The following PCCA variants were observed in gnomAD, a reference collection of about 807,000 sequenced individuals.
PCCA encodes propionyl-CoA carboxylase subunit alpha.
A neutral mutation model predicts 101.3 loss-of-function variants in PCCA; 74 were observed. The ratio of observed to expected loss-of-function variants is 0.73; its 90% CI spans 0.61 to 0.89. The LOEUF (loss-of-function observed/expected upper bound fraction) is 0.89, where lower values mean the gene tolerates loss of function less well. PCCA is among the 40% of genes least tolerant of loss of function. The pLI, the probability that PCCA is intolerant of heterozygous loss-of-function variation, is 0.00. For synonymous variants in PCCA, 294 were observed against 313.6 expected (o/e 0.94, Z 0.66); for missense variants, 891 against 907.0 (o/e 0.98, Z 0.23).
rs369082294 is a variant in PCCA at position 100,345,266 on chromosome 13, G to A, written c.1643+5007G>A. 9.8e-4 allele frequency among the ~76,000 whole-genome samples: 150 copies of A among 152,320 alleles called. 4 individuals carry two copies. In the South Asian group the frequency reaches 0.028, roughly 29 times the overall value. On this transcript the variant is annotated intron_variant, in intron 18 of 23. Transcript: ENST00000376285. Reference sequence around the variant, plus strand: ...TGTGCCAAATGGTTAGCCAAGTTGTGAATGCAAAGGAAAAGTTCTTGAAGG... The same window carrying A: ...TGTGCCAAATGGTTAGCCAAGTTGTAAATGCAAAGGAAAAGTTCTTGAAGG...
At chr13:100,125,371 T>G (rs1417098561) in intron 4 of PCCA, among the ~76,000 whole-genome samples, 2 of 152,224 alleles carry the variant, frequency 1.3e-5, no homozygotes, top group African/African-American at 4.8e-5. Context: ...TTCTTCAATA[T>G]TAACTTTCCT....
At chr13:100,146,017 G>A (rs1257712587) in intron 4 of PCCA, among the ~76,000 whole-genome samples, 2 of 149,374 alleles carry the variant, frequency 1.3e-5, no homozygotes, top group African/African-American at 4.9e-5. Flanking sequence ...GCAGCTCGCT[G>A]CAATCTCTGC....
intron 21 of PCCA, 65 bp from the exon 22 acceptor site, chr13:100,515,362 A>G: frequency 6.9e-7 from 1 of 1,445,806 alleles, no homozygotes; most frequent in Non-Finnish European, 9.7e-7. Flanking sequence ...ATTTAGAATG[A>G]ATGCTACTTT....
chr13:100,174,511 TG>T (rs997026604), intron 6 of PCCA, among the ~76,000 whole-genome samples: 7 of 149,670 alleles, frequency 4.7e-5, no homozygotes, highest in Non-Finnish European at 1.0e-4. Flanking sequence ...GCAGATCACT[TG>T]AGGTCAGGAG....
chr13:100,241,352 G>T (rs2061122162), intron 8 of PCCA, among the ~76,000 whole-genome samples: 1 of 152,136 alleles, frequency 6.6e-6, no homozygotes, highest in African/African-American at 2.4e-5. Context: ...CACAACATAT[G>T]AACTTTTGTG....
chr13:100,106,944 G>T (rs1381273753), intron 2 of PCCA, among the ~76,000 whole-genome samples: 1 of 152,156 alleles, frequency 6.6e-6, no homozygotes, highest in Non-Finnish European at 1.5e-5. Context: ...TACATGTTCA[G>T]ACTAAGTTGG....
chr13:100,418,796 C>T (rs920336658), intron 19 of PCCA, among the ~76,000 whole-genome samples: 4 of 149,660 alleles, frequency 2.7e-5, no homozygotes, highest in East Asian at 2.0e-4. Flanking sequence ...ATCATGCCAT[C>T]GTACTTCAGC....
At chr13:100,210,184 C>T (rs1805349737) in intron 7 of PCCA, among the ~76,000 whole-genome samples, 1 of 151,824 alleles carries the variant, frequency 6.6e-6, no homozygotes, top group African/African-American at 2.4e-5. Context: ...CACCGTGTTG[C>T]CCAGGCTGGT....
chr13:100,472,725 G>A (rs558098517), intron 21 of PCCA, among the ~76,000 whole-genome samples: 94 of 152,106 alleles, frequency 6.2e-4, no homozygotes, highest in Admixed American at 1.1e-3. Context: ...TTAAGGCAGG[G>A]AAAATACTGG....
chr13:100,520,759 A>T (rs2087222682), intron 22 of PCCA, among the ~76,000 whole-genome samples: 1 of 151,994 alleles, frequency 6.6e-6, no homozygotes, highest in Non-Finnish European at 1.5e-5. Flanking sequence ...GGGAATTTTT[A>T]CAGTTGAATA....
At chr13:100,528,921 C>T (rs903551640) in intron 23 of PCCA, among the ~76,000 whole-genome samples, 5 of 152,148 alleles carry the variant, frequency 3.3e-5, no homozygotes, top group Admixed American at 6.5e-5. Context: ...GTGTGTCCGC[C>T]GCATGCCAAG....
At chr13:100,270,998 A>T (rs1474456680) in intron 11 of PCCA, among the ~76,000 whole-genome samples, 1 of 151,970 alleles carries the variant, frequency 6.6e-6, no homozygotes, top group Admixed American at 6.6e-5. Context: ...ACAGAGCAAG[A>T]CCCTGTTCTC....
chr13:100,246,184 G>A (rs2061416720), intron 8 of PCCA, among the ~76,000 whole-genome samples: 1 of 152,186 alleles, frequency 6.6e-6, no homozygotes, highest in South Asian at 2.1e-4. Context: ...GCAATGTCCT[G>A]AACTAGGGAT....
chr13:100,205,448 T>C lies in PCCA; in HGVS notation c.469-3884T>C, dbSNP rs112972192. ...ATTGATAAAAAGGAAGTTAAGTCTT[T>C]GAAACATTTGTAGTTATCCAGCATA... On this transcript the variant is annotated intron_variant, in intron 6 of 23. Transcript: ENST00000376285. 2.7e-3 allele frequency among the ~76,000 whole-genome samples: 417 copies of C among 151,640 alleles called. 2 individuals carry two copies. The highest frequency in any genetic ancestry group is 9.8e-3 in the African/African-American group (404 of 41,362).
intron 21 of PCCA, among the ~76,000 whole-genome samples, chr13:100,489,167 G>A (rs1433405183): frequency 6.6e-6 from 1 of 152,262 alleles, no homozygotes; most frequent in Non-Finnish European, 1.5e-5. Flanking sequence ...AATTAGCCAG[G>A]CGTGGTGGCG....
chr13:100,262,831 G>A lies in PCCA; in HGVS notation c.819G>A (p.Gln273=), dbSNP rs2062621653. Reference sequence around the variant, plus strand: ...ATAATCCTCGTCATATAGAAATCCAGGTTGGTACATTTAAGATGCTTTTTC... The same window carrying A: ...ATAATCCTCGTCATATAGAAATCCAAGTTGGTACATTTAAGATGCTTTTTC... ...FIDNPRHIEI[Q]VLGDKHGNAL... is the part of the protein sequence containing the mutation. The change falls in exon 10 of 24, where the codon CAG becomes CAA. Residue 273 remains glutamine, a splice_region_variant and synonymous_variant. Transcript: ENST00000376285. 1 of 1,240,712 alleles carries A rather than the reference G, an allele frequency of 8.1e-7. No homozygotes were observed. The highest frequency in any genetic ancestry group is 1.2e-6 in the Non-Finnish European group (1 of 843,450). The allele number at this position is 1,240,712 out of a possible 1,614,324, so 76.9% of individuals were successfully genotyped here. A position where few individuals can be genotyped will look rare whatever the true frequency, so the allele number is the denominator to read the frequency against.
intron 12 of PCCA, among the ~76,000 whole-genome samples, chr13:100,285,282 A>C (rs1473007543): frequency 1.3e-5 from 2 of 152,210 alleles, no homozygotes; most frequent in African/African-American, 4.8e-5. Context: ...TCAGAGGCAG[A>C]AACAGCCTTC....
intron 21 of PCCA, among the ~76,000 whole-genome samples, chr13:100,499,352 T>C (rs1594020339): frequency 6.6e-6 from 1 of 152,240 alleles, no homozygotes; most frequent in South Asian, 2.1e-4. Flanking sequence ...TATCTGCACA[T>C]CTGCAGGATG....
intron 17 of PCCA, among the ~76,000 whole-genome samples, chr13:100,333,394 C>G (rs2069943674): frequency 6.6e-6 from 1 of 152,192 alleles, no homozygotes; most frequent in Non-Finnish European, 1.5e-5. Context: ...TATTCACAGG[C>G]AAGCACCTAT....
Sources: allele counts gnomAD v4.1 joint callset (sites outside exome capture counted in the v4.1 genomes callset), GRCh38; gene constraint gnomAD v4.1.1; transcripts MANE v1.5; gene names NCBI Gene and HGNC (gene_info 2026-07-23, HGNC 2026-07-21).